The following ACAD11 variants were observed in gnomAD, a reference collection of about 807,000 sequenced individuals.
ACAD11 encodes the protein acyl-CoA dehydrogenase family member 11, also known as acyl-Coenzyme A dehydrogenase family, member 11.
Under a neutral mutation model 102.2 loss-of-function variants are expected in ACAD11, and 83 were observed. The observed-to-expected ratio is 0.81, with a 90% confidence interval of 0.68 to 0.97. The LOEUF is 0.97. Ranked by LOEUF, ACAD11 falls within the 50% of genes least tolerant of loss-of-function variation. ACAD11 has a pLI of 0.00. For synonymous variants in ACAD11, 324 were observed against 319.8 expected, an observed-to-expected ratio of 1.01 and a Z score of -0.14; for missense variants, 901 against 951.7, an observed-to-expected ratio of 0.95 and a Z score of 0.70.
chr3:132,610,290 G>C (rs1012027349), intron 11 of ACAD11, among the ~76,000 whole-genome samples: 3 of 152,000 alleles, frequency 2.0e-5, no homozygotes, highest in Non-Finnish European at 4.4e-5. Flanking sequence ...ATCTAAAATT[G>C]ACACCCTAAC....
intron 11 of ACAD11, among the ~76,000 whole-genome samples, chr3:132,613,746 A>C (rs190032451): frequency 1.4e-3 from 213 of 152,098 alleles, no homozygotes; most frequent in African/African-American, 5.0e-3. Flanking sequence ...TAAAAGTACA[A>C]AAATTAGTCG....
chr3:132,611,905 C>A (rs1355677207), intron 11 of ACAD11, among the ~76,000 whole-genome samples: 1 of 152,024 alleles, frequency 6.6e-6, no homozygotes, highest in Non-Finnish European at 1.5e-5. Context: ...AAAAAAGAGC[C>A]TGCATCGCCA....
At position 132,626,821 on chromosome 3, in the gene ACAD11, T is replaced by C; in HGVS notation, c.1071-4A>G. The C allele has an allele frequency of 6.3e-7, 1 of 1,598,244 alleles. No individual in the cohort carries two copies. Among genetic ancestry groups the C allele is most frequent in the East Asian group, 2.2e-5 (1 of 44,698 alleles). On this transcript the variant is annotated splice_polypyrimidine_tract_variant and splice_region_variant and intron_variant, in intron 8 of 19. Transcript: ENST00000264990. ...TGGTAGTACAGTACTGAAAGTTCTT[T>C]GCCAAAAGAAAAAAGGAAAAAAAGG...
chr3:132,614,389 A>G (rs1939310839), intron 11 of ACAD11, among the ~76,000 whole-genome samples: 1 of 152,232 alleles, frequency 6.6e-6, no homozygotes. Flanking sequence ...CAAAAAGAAC[A>G]AAGCTGGAGG....
At chr3:132,561,321 G>C (rs780444330) in intron 17 of ACAD11, 104 bp from the exon 18 acceptor site, 6 of 835,236 alleles carry the variant, frequency 7.2e-6, no homozygotes, top group Admixed American at 5.4e-5. Context: ...CTCTAAGCCA[G>C]AGATTGTTCA....
intron 11 of ACAD11, among the ~76,000 whole-genome samples, chr3:132,611,292 C>T (rs1301744582): frequency 1.3e-5 from 2 of 152,050 alleles, no homozygotes; most frequent in African/African-American, 4.8e-5. Flanking sequence ...AAACTGGAAG[C>T]ATCCCCCTTG....
Position 132,639,488 on chromosome 3 carries a change from G to A in ACAD11, c.702+4C>T, listed in dbSNP as rs769339298. 2.4e-5 allele frequency: 38 copies of A among 1,611,130 alleles called. No homozygotes were observed. Among genetic ancestry groups the A allele is most frequent in the Admixed American group, 8.4e-5 (5 of 59,466 alleles). ...CAATTAATTGTAAACATAGCTAACT[G>A]TACCTCTTTAGGGTGGAAAACTATG... is the stretch of plus-strand genomic sequence containing the variant. On this transcript the variant is annotated splice_donor_region_variant and intron_variant, in intron 5 of 19. Coordinates refer to ENST00000264990, the MANE Select transcript of ACAD11 (RefSeq NM_032169.5).
At chr3:132,613,428 CA>C (rs57471162) in intron 11 of ACAD11, among the ~76,000 whole-genome samples, 151,865 of 151,872 alleles carry the variant, frequency 1, 75,929 homozygotes, top group East Asian at 1. Flanking sequence ...AACAAACAAA[CA>C]AAAAAAGAAA....
chr3:132,619,127 G>C (rs1939517315), intron 10 of ACAD11, among the ~76,000 whole-genome samples: 1 of 152,144 alleles, frequency 6.6e-6, no homozygotes, highest in Non-Finnish European at 1.5e-5. Context: ...TACATGAATT[G>C]ATGTTAAGAT....
chr3:132,659,496 G>A, intron 1 of ACAD11, 107 bp downstream of exon 1: 1 of 1,508,516 alleles, frequency 6.6e-7, no homozygotes. Context: ...CTGACTGCAG[G>A]AAAAGCAATC....
chr3:132,576,399 T>C (rs1486258597), intron 16 of ACAD11, among the ~76,000 whole-genome samples: 2 of 152,162 alleles, frequency 1.3e-5, no homozygotes, highest in African/African-American at 4.8e-5. Context: ...AGAGGTGGTA[T>C]TCTAGATGTT....
Position 132,558,875 on chromosome 3 carries a change from C to A in ACAD11, c.*96G>T. The A allele has an allele frequency of 1.1e-6, 1 of 876,300 alleles. No individual in the cohort carries two copies. The highest frequency in any genetic ancestry group is 1.6e-5 in the South Asian group (1 of 62,244). 54.3% of individuals were successfully genotyped at this position (876,300 alleles called of 1,614,324 possible). A position where few individuals can be genotyped will look rare whatever the true frequency, so the allele number is the denominator to read the frequency against. ...ACAAATGAATAATTAACCCTGTGCT[C>A]AAACTGCTACAAAAATATGAGATTC... On this transcript the variant is annotated 3_prime_UTR_variant, in exon 20 of 20. Transcript: ENST00000264990.
Position 132,626,700 on chromosome 3 carries a change from T to C in ACAD11, c.1188A>G (p.Pro396=), listed in dbSNP as rs1294011161. Reference sequence around the variant, plus strand: ...CTTATATAATACTCACCTTTTCAGCTGGAAGAATGTGTTGTTTCATGAAAT... The same window carrying C: ...CTTATATAATACTCACCTTTTCAGCCGGAAGAATGTGTTGTTTCATGAAAT... ...VKHFMKQHIL[P]AEKEVTEFYV... The change falls in exon 9 of 20, where the codon CCA becomes CCG. Residue 396 remains proline (P), a synonymous_variant. Transcript: ENST00000264990. 4 of 1,613,622 alleles carry C rather than the reference T, an allele frequency of 2.5e-6. No individual in the cohort carries two copies. Among genetic ancestry groups the C allele is most frequent in the Non-Finnish European group, 3.4e-6 (4 of 1,179,924 alleles).
chr3:132,623,022 G>A (rs1939664928), intron 9 of ACAD11, among the ~76,000 whole-genome samples: 1 of 152,120 alleles, frequency 6.6e-6, no homozygotes, highest in Non-Finnish European at 1.5e-5. Flanking sequence ...GCTATTTTTA[G>A]GATTTCTTAC....
intron 17 of ACAD11, among the ~76,000 whole-genome samples, chr3:132,570,347 G>C (rs760060199): frequency 6.6e-6 from 1 of 152,096 alleles, no homozygotes; most frequent in Non-Finnish European, 1.5e-5. Flanking sequence ...TCTAAACACA[G>C]AATTGGTGTT....
chr3:132,628,829 A>T (rs1336227008), intron 7 of ACAD11, among the ~76,000 whole-genome samples: 1 of 152,230 alleles, frequency 6.6e-6, no homozygotes, highest in Non-Finnish European at 1.5e-5. Flanking sequence ...CAAAAGGAAG[A>T]CAATGAGACG....
At chr3:132,607,360 G>C (rs1938891899) in intron 11 of ACAD11, among the ~76,000 whole-genome samples, 1 of 152,110 alleles carries the variant, frequency 6.6e-6, no homozygotes, top group African/African-American at 2.4e-5. Context: ...CCAATGCAAG[G>C]AACCTAAGAA....
rs751009956 is a variant in ACAD11, at chr3:132,575,772, A to T, written c.2001T>A (p.His667Gln). The change falls in exon 17 of 20, where the codon CAT becomes CAA. Residue 667 changes from histidine (H) to glutamine (Q), a missense_variant and splice_region_variant. Transcript: ENST00000264990. ...RIAFKKKLYA[H>Q]EVVAHWIAES... Reference sequence around the variant, plus strand: ...AATTCAAATAAGTAATCGTCCTCACATGTGCATACAACTTCTTCTTGAAAG... The same window carrying T: ...AATTCAAATAAGTAATCGTCCTCACTTGTGCATACAACTTCTTCTTGAAAG... 12 of 1,613,906 alleles carry T rather than the reference A, an allele frequency of 7.4e-6. No homozygotes were observed. The highest frequency in any genetic ancestry group is 1.0e-5 in the Non-Finnish European group (12 of 1,179,970).
intron 5 of ACAD11, among the ~76,000 whole-genome samples, chr3:132,632,209 G>C (rs535797692): frequency 6.6e-6 from 1 of 151,748 alleles, no homozygotes; most frequent in Non-Finnish European, 1.5e-5. Flanking sequence ...TCAGCCTCCC[G>C]AATAGCTGGG....
Sources: gnomAD v4.1 joint callset for allele counts (sites outside exome capture counted in the v4.1 genomes callset) on GRCh38, gnomAD v4.1.1 for gene constraint, MANE v1.5 for transcripts, NCBI Gene and HGNC (gene_info 2026-07-23, HGNC 2026-07-21) for gene names.